Variants in N4BP2L2 observed in about 807,000 individuals in gnomAD.
The protein encoded by N4BP2L2 is NEDD4-binding protein 2-like 2.
A neutral mutation model predicts 56.2 loss-of-function variants in N4BP2L2; 50 were observed. That is an observed-to-expected ratio of 0.89 (90% CI 0.71 to 1.13). The LOEUF (loss-of-function observed/expected upper bound fraction) is 1.13. Among genes scored for constraint, N4BP2L2 ranks in the 50% most tolerant of loss-of-function variants. N4BP2L2 has a pLI of 0.00. For missense variants in N4BP2L2, 689 were observed against 693.8 expected, an observed-to-expected ratio of 0.99 and a Z score of 0.08; for synonymous variants, 203 against 223.6, an observed-to-expected ratio of 0.91 and a Z score of 0.82.
chr13:32,480,181 A>T (rs1283903328), intron 6 of N4BP2L2, among the ~76,000 whole-genome samples: 1 of 152,242 alleles, frequency 6.6e-6, no homozygotes, highest in East Asian at 1.9e-4. Flanking sequence ...CTGACTTCTT[A>T]TCAGAAACAA....
chr13:32,453,078 G>C (rs2078362341), intron 6 of N4BP2L2, among the ~76,000 whole-genome samples: 1 of 152,164 alleles, frequency 6.6e-6, no homozygotes, highest in Non-Finnish European at 1.5e-5. Context: ...GGCCAACAAG[G>C]AGAAACCCTG....
chr13:32,460,279 A>G (rs946688239), intron 6 of N4BP2L2, among the ~76,000 whole-genome samples: 1 of 152,196 alleles, frequency 6.6e-6, no homozygotes, highest in African/African-American at 2.4e-5. Context: ...ACTCCTATTC[A>G]ATACAGTACT....
chr13:32,492,322 G>A (rs77960005), intron 6 of N4BP2L2, among the ~76,000 whole-genome samples: 7,567 of 117,250 alleles, frequency 0.065, 743 homozygotes, highest in African/African-American at 0.23. Flanking sequence ...TCGCTTTGTC[G>A]GCGAGGCTGG....
Position 32,516,870 on chromosome 13 carries a change from G to T in N4BP2L2, c.*932C>A, listed in dbSNP as rs144780933. 621 of 983,490 alleles carry T rather than the reference G, an allele frequency of 6.3e-4. 4 individuals are homozygous for T. The African/African-American group carries it at 9.9e-3, about 16-fold the overall frequency. 60.9% of individuals were successfully genotyped at this position (983,490 alleles called of 1,614,324 possible). A position where few individuals can be genotyped will look rare whatever the true frequency, so the allele number is the denominator to read the frequency against. ...GGTAAAGCTTGGTTTGAAGGCAGGG[G>T]ATGAATGACAAGACCTCTGAAATGA... is the stretch of plus-strand genomic sequence containing the variant. On this transcript the variant is annotated 3_prime_UTR_variant, in exon 6 of 6. Transcript: ENST00000267068.
chr13:32,510,839 T>C (rs1269133609), exon 6 of N4BP2L2: 2 of 152,120 alleles, frequency 1.3e-5, no homozygotes, highest in African/African-American at 4.8e-5. Context: ...GAATTATAAA[T>C]GGCCTCTTGA....
intron 2 of N4BP2L2, 107 bp from the exon 3 acceptor site, chr13:32,527,639 G>T: frequency 7.9e-7 from 1 of 1,262,806 alleles, no homozygotes; most frequent in Non-Finnish European, 1.1e-6. Flanking sequence ...CACAGGAAAG[G>T]TTATTAAATG....
At chr13:32,516,487 G>A (rs2049237287) in exon 6 of N4BP2L2, 1 of 152,088 alleles carries the variant, frequency 6.6e-6, no homozygotes, top group Non-Finnish European at 1.5e-5. Flanking sequence ...CTAGTTTTTG[G>A]CCTGACAACT....
intron 4 of N4BP2L2, chr13:32,521,805 G>A: frequency 3.8e-6 from 1 of 263,598 alleles, no homozygotes; most frequent in Non-Finnish European, 7.1e-6. Context: ...GTGAAACCCT[G>A]TCTCTACTAA....
rs138699698 is a variant in N4BP2L2, at chr13:32,477,877, G to A, written c.366-33751C>T. On this transcript the variant is annotated intron_variant, in intron 6 of 9. Transcript: ENST00000357505. The stretch of plus-strand genomic sequence containing the variant: ...TGAAACAAAATTCATGCAGAATTCC[G>A]TCAAATCACCTCTCAAGAGATCAAA... The A allele has an allele frequency of 2.5e-4, 325 of 1,289,126 alleles. No individual in the cohort carries two copies. The African/African-American group carries it at 2.8e-3, about 11-fold the overall frequency. 79.9% of individuals were successfully genotyped at this position (1,289,126 alleles called of 1,614,324 possible). A position where few individuals can be genotyped will look rare whatever the true frequency, so the allele number is the denominator to read the frequency against.
At chr13:32,524,426 T>C (rs932070291) in intron 3 of N4BP2L2, 2 of 152,246 alleles carry the variant, frequency 1.3e-5, no homozygotes, top group Non-Finnish European at 2.9e-5. Flanking sequence ...GTCTAGTACA[T>C]TCCATGCAAA....
At chr13:32,498,987 TAAAAAAAAAAAA>T (rs34972549) in intron 6 of N4BP2L2, among the ~76,000 whole-genome samples, 2 of 87,134 alleles carry the variant, frequency 2.3e-5, no homozygotes, top group South Asian at 3.8e-4. Context: ...AGACTCTGTC[TAAAAAAAAAAAA>T]AAAAAAAAAA....
chr13:32,527,304 G>GC, intron 3 of N4BP2L2, 104 bp downstream of exon 3: 1 of 1,254,464 alleles, frequency 8.0e-7, no homozygotes, highest in East Asian at 2.5e-5. Context: ...TAAACGGCTT[G>GC]CCTACAGTCA....
chr13:32,468,928 G>A (rs560781380), intron 6 of N4BP2L2, among the ~76,000 whole-genome samples: 1 of 152,380 alleles, frequency 6.6e-6, no homozygotes, highest in Non-Finnish European at 1.5e-5. Flanking sequence ...GAATGCAGCT[G>A]TGTGTGGGAG....
At chr13:32,464,883 CAAT>C (rs2138787099) in intron 6 of N4BP2L2, among the ~76,000 whole-genome samples, 1 of 152,026 alleles carries the variant, frequency 6.6e-6, no homozygotes, top group Non-Finnish European at 1.5e-5. Context: ...ATTAAAACCA[CAAT>C]AAGATAAAAT....
chr13:32,535,301 C>G (rs1035685286), intron 2 of N4BP2L2, among the ~76,000 whole-genome samples: 1 of 152,214 alleles, frequency 6.6e-6, no homozygotes, highest in African/African-American at 2.4e-5. Context: ...TTTCCTTGAA[C>G]AGCTGACTCA....
chr13:32,505,342 A>C (rs552492800), downstream of N4BP2L2: 7 of 152,366 alleles, frequency 4.6e-5, no homozygotes, highest in Admixed American at 4.6e-4. Context: ...GTTGCTGCCA[A>C]GATGGCTGAT....
At chr13:32,516,993 G>C (rs567589086) in exon 6 of N4BP2L2, 12 of 969,684 alleles carry the variant, frequency 1.2e-5, no homozygotes, top group Non-Finnish European at 1.5e-5. Context: ...AGTACTAGAA[G>C]ATATTCTATA....
At chr13:32,442,618 A>G in exon 7 of N4BP2L2, 1 of 1,613,874 alleles carries the variant, frequency 6.2e-7, no homozygotes, top group Non-Finnish European at 8.5e-7. Flanking sequence ...ACTATGTAAA[A>G]TTTCTGGAGA....
At chr13:32,516,788 G>T in exon 6 of N4BP2L2, 1 of 410,174 alleles carries the variant, frequency 2.4e-6, no homozygotes, top group Non-Finnish European at 3.3e-6. Context: ...AAGAGAAGTA[G>T]TAGTGTTTTT....
Sources: gnomAD v4.1 joint callset for allele counts (sites outside exome capture counted in the v4.1 genomes callset) on GRCh38, gnomAD v4.1.1 for gene constraint, MANE v1.5 for transcripts, NCBI Gene and HGNC (gene_info 2026-07-23, HGNC 2026-07-21) for gene names.